CCDC169: variants seen among roughly 807,000 people sequenced by gnomAD.
CCDC169 encodes coiled-coil domain containing 169, also known as coiled-coil domain-containing protein 169.
CCDC169 carries 30 observed loss-of-function variants against 36.0 expected under a neutral mutation model. The ratio of observed to expected loss-of-function variants is 0.83; its 90% CI spans 0.62 to 1.13. The LOEUF is 1.13. Among genes scored for constraint, CCDC169 ranks in the 50% most tolerant of loss-of-function variants. The probability of loss-of-function intolerance (pLI) is 0.00; values close to 1 mark genes in which losing one functional copy is unlikely to be tolerated. For synonymous variants in CCDC169, 85 were observed against 81.5 expected (o/e 1.04, Z -0.23); for missense variants, 245 against 245.9 (o/e 1.00, Z 0.03).
intron 4 of CCDC169, among the ~76,000 whole-genome samples, chr13:36,275,405 T>C (rs1213751442): frequency 2.6e-5 from 4 of 152,142 alleles, no homozygotes; most frequent in Non-Finnish European, 4.4e-5. Flanking sequence ...GATTTGCATA[T>C]AAAATCTGTT....
chr13:36,233,691 C>T (rs955939668), intron 7 of CCDC169, among the ~76,000 whole-genome samples: 17 of 152,092 alleles, frequency 1.1e-4, no homozygotes, highest in African/African-American at 3.1e-4. Flanking sequence ...AAGAGCTCAA[C>T]GGCAGATTGG....
At chr13:36,256,235 G>C (rs1465838714) in intron 4 of CCDC169, among the ~76,000 whole-genome samples, 3 of 152,100 alleles carry the variant, frequency 2.0e-5, no homozygotes, top group African/African-American at 4.8e-5. Flanking sequence ...GTTTTTTCAC[G>C]CTTTTCTCAG....
In CCDC169 at chr13:36,230,932, G is replaced by A. The variant is rs1870349577; in HGVS notation, c.*261C>T. On this transcript the variant is annotated 3_prime_UTR_variant, in exon 8 of 8. Coordinates refer to ENST00000239859, the MANE Select transcript of CCDC169 (RefSeq NM_001144981.3). ...GCAGATCATGGGTATATTATTGAAA[G>A]CAAGTGTAATGATGCCAGCCTTCAG... The A allele has an allele frequency of 8.6e-7, 1 of 1,162,496 alleles. No individual in the cohort carries two copies. The highest frequency in any genetic ancestry group is 1.1e-6 in the Non-Finnish European group (1 of 942,916). The allele number at this position is 1,162,496 out of a possible 1,614,324, so 72.0% of individuals were successfully genotyped here. A position where few individuals can be genotyped will look rare whatever the true frequency, so the allele number is the denominator to read the frequency against.
downstream of CCDC169, chr13:36,227,481 C>A: frequency 8.0e-7 from 1 of 1,251,580 alleles, no homozygotes; most frequent in Non-Finnish European, 1.0e-6. Context: ...TTTTTACACA[C>A]ACACACACAT....
At chr13:36,273,536 A>G (rs1876378949) in intron 4 of CCDC169, among the ~76,000 whole-genome samples, 2 of 152,206 alleles carry the variant, frequency 1.3e-5, no homozygotes. Flanking sequence ...AAAATGGGGA[A>G]CATTCTAATT....
intron 7 of CCDC169, chr13:36,244,525 C>T (rs1172781456): frequency 1.3e-5 from 2 of 152,268 alleles, no homozygotes; most frequent in Admixed American, 6.5e-5. Flanking sequence ...AGAAAACTTT[C>T]GGAAGCTTGA....
intron 7 of CCDC169, among the ~76,000 whole-genome samples, chr13:36,236,729 C>T (rs1871122464): frequency 6.6e-6 from 1 of 151,972 alleles, no homozygotes; most frequent in South Asian, 2.1e-4. Flanking sequence ...AGGTCTCATA[C>T]TCAGAATATA....
rs1873470935 is a variant in CCDC169 at position 36,253,752 on chromosome 13, T to C, written c.468+51A>G. On this transcript the variant is annotated intron_variant, in intron 6 of 7. Transcript: ENST00000239859. ...ACAAAACCTAGAAAAGTGAAAAACATAATTTACAGTAAGAAGAAACACTTA... is the reference window on the plus strand; with the variant it reads ...ACAAAACCTAGAAAAGTGAAAAACACAATTTACAGTAAGAAGAAACACTTA... The C allele has an allele frequency of 2.0e-6, 3 of 1,518,746 alleles. No homozygotes were observed. In the Admixed American group the frequency reaches 7.3e-5, roughly 37 times the overall value. The allele number at this position is 1,518,746 out of a possible 1,614,324, so 94.1% of individuals were successfully genotyped here. A position where few individuals can be genotyped will look rare whatever the true frequency, so the allele number is the denominator to read the frequency against.
chr13:36,262,905 T>G (rs181212256), intron 4 of CCDC169, among the ~76,000 whole-genome samples: 1 of 152,088 alleles, frequency 6.6e-6, no homozygotes, highest in Non-Finnish European at 1.5e-5. Flanking sequence ...TATAAAGCAG[T>G]GAAAACTCTT....
intron 4 of CCDC169, among the ~76,000 whole-genome samples, chr13:36,258,237 C>G (rs1874163911): frequency 1.3e-5 from 2 of 152,204 alleles, no homozygotes. Context: ...GCTCCATCAG[C>G]TCAGCAGCTG....
chr13:36,265,895 TC>T (rs1302900126), intron 4 of CCDC169, among the ~76,000 whole-genome samples: 3 of 152,178 alleles, frequency 2.0e-5, no homozygotes, highest in African/African-American at 7.2e-5. Context: ...GTCATAGATT[TC>T]CACTCTAGGA....
intron 7 of CCDC169, among the ~76,000 whole-genome samples, chr13:36,234,821 AT>A (rs1311429295): frequency 1.3e-5 from 2 of 152,192 alleles, no homozygotes; most frequent in Non-Finnish European, 2.9e-5. Context: ...CTATAAAAAA[AT>A]AGTAGAGACT....
intron 2 of CCDC169, among the ~76,000 whole-genome samples, chr13:36,295,006 T>G (rs1315069075): frequency 6.6e-6 from 1 of 152,156 alleles, no homozygotes; most frequent in African/African-American, 2.4e-5. Flanking sequence ...AAATTGGGCA[T>G]AAGACAATAT....
intron 4 of CCDC169, among the ~76,000 whole-genome samples, chr13:36,263,345 A>G (rs756522636): frequency 1.3e-5 from 2 of 152,190 alleles, no homozygotes; most frequent in Non-Finnish European, 2.9e-5. Context: ...AATTCTCTCA[A>G]TTATATTGGT....
At chr13:36,248,508 A>G in intron 7 of CCDC169, 98 bp downstream of exon 7, 6 of 1,126,232 alleles carry the variant, frequency 5.3e-6, no homozygotes. Flanking sequence ...TATAAAACCT[A>G]GAAGTTCAGC....
intron 4 of CCDC169, 131 bp from the exon 5 acceptor site, chr13:36,254,274 A>AATTTTTTTTTTTTT (rs745490666): frequency 2.5e-6 from 1 of 393,704 alleles, no homozygotes; most frequent in Non-Finnish European, 4.3e-6. Context: ...TATGATATGT[A>AATTTTTTTTTTTTT]CTTTTTTTTT....
Position 36,249,929 on chromosome 13 carries a change from G to A in CCDC169, c.469-1247C>T, listed in dbSNP as rs1332134488. On this transcript the variant is annotated intron_variant, in intron 6 of 7. Coordinates refer to ENST00000239859, the MANE Select transcript of CCDC169 (RefSeq NM_001144981.3). ...TCATTTGATATGAGTGACAGGTTTGGGTATATTGGAACAGAAAATAGAATT... is the reference window on the plus strand; with the variant it reads ...TCATTTGATATGAGTGACAGGTTTGAGTATATTGGAACAGAAAATAGAATT... Among the ~76,000 whole-genome samples the A allele has an allele frequency of 2.7e-5, 4 of 150,252 alleles. No homozygotes were observed. The East Asian group carries it at 7.8e-4, about 29-fold the overall frequency.
At chr13:36,258,749 C>CT (rs34725807) in intron 4 of CCDC169, among the ~76,000 whole-genome samples, 61,587 of 151,930 alleles carry the variant, frequency 0.41, 13,244 homozygotes, top group Non-Finnish European at 0.48. Flanking sequence ...ACCAGCACCC[C>CT]GGGGGCTGCT....
intron 4 of CCDC169, among the ~76,000 whole-genome samples, chr13:36,271,432 T>C (rs1876043323): frequency 6.6e-6 from 1 of 152,080 alleles, no homozygotes; most frequent in Admixed American, 6.5e-5. Flanking sequence ...AAAGAAGTCA[T>C]TATACAAAAA....
Sources: gnomAD v4.1 joint callset for allele counts (sites outside exome capture counted in the v4.1 genomes callset) on GRCh38, gnomAD v4.1.1 for gene constraint, MANE v1.5 for transcripts, NCBI Gene and HGNC (gene_info 2026-07-23, HGNC 2026-07-21) for gene names.